Variants in UBR1 observed in about 807,000 individuals in gnomAD.
The protein encoded by UBR1 is ubiquitin protein ligase E3 component n-recognin 1.
In UBR1, 102 loss-of-function variants were observed where a neutral mutation model predicts 242.1. That is an observed-to-expected ratio of 0.42 (90% CI 0.36 to 0.50). UBR1 has a LOEUF of 0.50. Ranked by LOEUF, UBR1 falls within the 20% of genes least tolerant of loss-of-function variation. UBR1 has a pLI of 0.01. For missense variants in UBR1, 1,772 were observed against 2,101.8 expected, an observed-to-expected ratio of 0.84 and a Z score of 3.07; for synonymous variants, 675 against 684.8, an observed-to-expected ratio of 0.99 and a Z score of 0.22.
intron 42 of UBR1, among the ~76,000 whole-genome samples, chr15:42,962,620 G>A (rs1427083501): frequency 2.0e-5 from 3 of 152,094 alleles, no homozygotes; most frequent in African/African-American, 7.2e-5. Flanking sequence ...TTCCCCAGTA[G>A]CTGGGATTAC....
chr15:43,053,144 T>C (rs1454537132), intron 12 of UBR1, among the ~76,000 whole-genome samples: 1 of 152,132 alleles, frequency 6.6e-6, no homozygotes, highest in Non-Finnish European at 1.5e-5. Flanking sequence ...GAGATATCTA[T>C]ATTTAGGTTG....
At position 43,045,824 on chromosome 15, in the gene UBR1, G is replaced by A. The variant is rs187811411; in HGVS notation, c.1668+1337C>T. Reference sequence around the variant, plus strand: ...GCAGGCAGAAGGCACTAGAAAAAAAGGTAATCACTGACTGAAATAGGTAAT... The same window carrying A: ...GCAGGCAGAAGGCACTAGAAAAAAAAGTAATCACTGACTGAAATAGGTAAT... On this transcript the variant is annotated intron_variant, in intron 14 of 46. Coordinates refer to ENST00000290650, the MANE Select transcript of UBR1 (RefSeq NM_174916.3). 3.6e-4 allele frequency among the ~76,000 whole-genome samples: 55 copies of A among 152,298 alleles called. No individual in the cohort carries two copies. In the East Asian group the frequency reaches 7.5e-3, roughly 21 times the overall value.
Position 43,105,980 on chromosome 15 carries a change from T to A in UBR1, c.43A>T (p.Ser15Cys), listed in dbSNP as rs765927915. The change falls in exon 1 of 47, where the codon AGC (serine) becomes TGC (cysteine). Residue 15 changes from serine to cysteine, a missense_variant. Physicochemically the swap from Ser to Cys is moderately radical, Grantham distance 112. Around this residue, in one of 3 missense-constraint regions of UBR1, gnomAD observed 734 missense variants for 893.3 expected, o/e 0.82. Coordinates refer to ENST00000290650, the MANE Select transcript of UBR1 (RefSeq NM_174916.3). ...EAGGTERMEI[S>C]AELPQTPQRL... The stretch of plus-strand genomic sequence containing the variant: ...TGAGGGGTCTGGGGTAACTCCGCGC[T>A]GATTTCCATCCTCTCAGTACCTCCA... 52 of 1,614,072 alleles carry A rather than the reference T, an allele frequency of 3.2e-5. 1 individual carries two copies. In the South Asian group the frequency reaches 5.4e-4, roughly 17 times the overall value.
At position 43,102,519 on chromosome 15, in the gene UBR1, G is replaced by A. The variant is rs139963747; in HGVS notation, c.81+3423C>T. On this transcript the variant is annotated intron_variant, in intron 1 of 46. Transcript: ENST00000290650. ...AGGTAGAGGTTATAAACAGGCAATA[G>A]AAAAGAGCTGAGTATCATGCCAAGA... is the stretch of plus-strand genomic sequence containing the variant. Among the ~76,000 whole-genome samples, 232 of 152,318 alleles carry A rather than the reference G, an allele frequency of 1.5e-3. 2 individuals are homozygous for A. The highest frequency in any genetic ancestry group is 2.8e-3 in the Non-Finnish European group (193 of 68,014).
In UBR1 at chr15:42,958,026, C is replaced by T. The variant is rs1184191714; in HGVS notation, c.4822G>A (p.Ala1608Thr). The change falls in exon 44 of 47, where the codon GCT becomes ACT. Residue 1608 changes from alanine (A) to threonine (T), a missense_variant. By Grantham distance (58) the Ala-to-Thr change is moderately conservative. Coordinates refer to ENST00000290650, the MANE Select transcript of UBR1 (RefSeq NM_174916.3). ...CACTCTCCTTACCTGAAATGAGAAG[C>T]TTGATTCAGGAGGCAGCTATAGTCA... ...PDDYSCLLNQ[A>T]SHFRCPRSAD... 3.7e-6 allele frequency: 6 copies of T among 1,613,132 alleles called. No individual in the cohort carries two copies. The Middle Eastern group carries it at 6.6e-4, about 177-fold the overall frequency.
At chr15:43,068,705 C>A (rs149830476) in intron 5 of UBR1, among the ~76,000 whole-genome samples, 2,333 of 152,212 alleles carry the variant, frequency 0.015, 30 homozygotes, top group Non-Finnish European at 0.025. Context: ...ACTGCAACCT[C>A]CGCCTCCCGT....
intron 13 of UBR1, among the ~76,000 whole-genome samples, chr15:43,047,756 G>A (rs1320148608): frequency 6.6e-6 from 1 of 152,184 alleles, no homozygotes; most frequent in Non-Finnish European, 1.5e-5. Flanking sequence ...AAAAAAATAT[G>A]TGTTGTGCTT....
intron 1 of UBR1, among the ~76,000 whole-genome samples, chr15:43,105,412 G>A (rs569333162): frequency 2.0e-5 from 3 of 152,236 alleles, no homozygotes; most frequent in South Asian, 4.1e-4. Context: ...AAAAAGTAGC[G>A]ACAGATGATG....
intron 32 of UBR1, among the ~76,000 whole-genome samples, chr15:42,998,937 C>CTTTT (rs35098054): frequency 0.017 from 2,033 of 121,234 alleles, 55 homozygotes; most frequent in Non-Finnish European, 0.025. Context: ...GGAGCCTTTG[C>CTTTT]TTTTTTTTTT....
At chr15:42,968,384 ATTT>A (rs779715820) in intron 40 of UBR1, among the ~76,000 whole-genome samples, 2 of 140,498 alleles carry the variant, frequency 1.4e-5, no homozygotes, top group African/African-American at 2.6e-5. Context: ...CCCTTAACAG[ATTT>A]TTTTTTTTTT....
chr15:43,091,727 T>A (rs2034107387), intron 1 of UBR1, among the ~76,000 whole-genome samples: 1 of 149,534 alleles, frequency 6.7e-6, no homozygotes, highest in Non-Finnish European at 1.5e-5. Context: ...AGCTCAGGAG[T>A]TTGAGACCAG....
chr15:42,993,854 T>C (rs1223298916), intron 33 of UBR1, among the ~76,000 whole-genome samples: 1 of 150,134 alleles, frequency 6.7e-6, no homozygotes. Context: ...AAAAAAAGGC[T>C]GTAATGACCA....
At chr15:43,099,344 G>C (rs369291816) in intron 1 of UBR1, among the ~76,000 whole-genome samples, 3 of 148,682 alleles carry the variant, frequency 2.0e-5, no homozygotes, top group African/African-American at 7.4e-5. Context: ...AAAAAAAAAA[G>C]TTCCCCTACA....
intron 46 of UBR1, among the ~76,000 whole-genome samples, chr15:42,947,664 T>C (rs946846230): frequency 5.3e-5 from 8 of 152,080 alleles, no homozygotes; most frequent in Non-Finnish European, 1.0e-4. Context: ...AGCCAAATCA[T>C]GAGTGAACTT....
chr15:42,959,609 T>C (rs973316985), intron 43 of UBR1, among the ~76,000 whole-genome samples: 2 of 152,210 alleles, frequency 1.3e-5, no homozygotes, highest in Non-Finnish European at 1.5e-5. Context: ...AGCAGATGTA[T>C]AAAAGGTGTA....
At chr15:43,010,818 C>CAAAAA (rs768275252) in intron 29 of UBR1, among the ~76,000 whole-genome samples, 9 of 56,960 alleles carry the variant, frequency 1.6e-4, no homozygotes, top group African/African-American at 2.9e-4. Context: ...ACTAAAAATA[C>CAAAAA]AAAAAAAAAA....
intron 3 of UBR1, among the ~76,000 whole-genome samples, chr15:43,082,174 AC>A (rs758347402): frequency 4.6e-5 from 7 of 152,166 alleles, no homozygotes; most frequent in African/African-American, 7.2e-5. Context: ...CATGAAAAAA[AC>A]ATTTCTATTA....
chr15:43,032,262 C>T (rs141451776), intron 20 of UBR1, among the ~76,000 whole-genome samples: 2,219 of 152,150 alleles, frequency 0.015, 26 homozygotes, highest in Middle Eastern at 0.068. Flanking sequence ...CTCTAAGTAA[C>T]CTTAACAAAG....
chr15:43,032,934 T>C (rs1176323130), intron 19 of UBR1, among the ~76,000 whole-genome samples: 1 of 152,232 alleles, frequency 6.6e-6, no homozygotes, highest in African/African-American at 2.4e-5. Context: ...GCTGCCTTCT[T>C]ACCTGCGTTA....
Sources: allele counts gnomAD v4.1 joint callset (sites outside exome capture counted in the v4.1 genomes callset), GRCh38; gene constraint gnomAD v4.1.1; regional missense constraint gnomAD v4.1.1; transcripts MANE v1.5; gene names NCBI Gene and HGNC (gene_info 2026-07-23, HGNC 2026-07-21).